MIPEP: variants seen among roughly 807,000 people sequenced by gnomAD.
MIPEP encodes mitochondrial intermediate peptidase.
MIPEP carries 79 observed loss-of-function variants against 90.3 expected under a neutral mutation model. The observed-to-expected ratio is 0.87, with a 90% CI of 0.73 to 1.05. The LOEUF (loss-of-function observed/expected upper bound fraction) is 1.05. Ranked by LOEUF, MIPEP falls within the 50% of genes least tolerant of loss-of-function variation. The pLI, the probability that MIPEP is intolerant of heterozygous loss-of-function variation, is 0.00. For synonymous variants in MIPEP, 334 were observed against 315.8 expected, an observed-to-expected ratio of 1.06 and a Z score of -0.61; for missense variants, 940 against 905.6, an observed-to-expected ratio of 1.04 and a Z score of -0.49.
Position 23,760,221 on chromosome 13 carries a change from C to T in MIPEP, c.1849-4G>A. On this transcript the variant is annotated splice_region_variant and splice_polypyrimidine_tract_variant and intron_variant, in intron 16 of 18. Coordinates refer to ENST00000382172, the MANE Select transcript of MIPEP (RefSeq NM_005932.4). ...GGCTGAATCGCAGCTGCCAGGCCTG[C>T]CAAGAACAGAGAGACACAGCACGGG... 11 of 1,613,894 alleles carry T rather than the reference C, an allele frequency of 6.8e-6. No individual in the cohort carries two copies. The highest frequency in any genetic ancestry group is 9.3e-6 in the Non-Finnish European group (11 of 1,179,952).
At chr13:23,809,816 TC>T in intron 15 of MIPEP, 33 bp downstream of exon 15, 1 of 1,364,476 alleles carries the variant, frequency 7.3e-7, no homozygotes, top group Non-Finnish European at 1.0e-6. Flanking sequence ...GGATAATGAC[TC>T]CGGAAAACTT....
intron 18 of MIPEP, among the ~76,000 whole-genome samples, chr13:23,754,143 A>T (rs1346878354): frequency 6.6e-6 from 1 of 152,208 alleles, no homozygotes; most frequent in Admixed American, 6.5e-5. Flanking sequence ...TTTACATTAC[A>T]AATCTCAGTA....
intron 16 of MIPEP, among the ~76,000 whole-genome samples, chr13:23,762,729 A>G (rs549236770): frequency 6.6e-6 from 1 of 152,246 alleles, no homozygotes; most frequent in Admixed American, 6.5e-5. Flanking sequence ...TTGCACGGCT[A>G]TTGTTTTGGG....
rs139822177 is a variant in MIPEP, at chr13:23,857,288, T to C, written c.1106+1572A>G. ...TACCATAACCAAATTATTATAGACT[T>C]TGAATAACAGTTTATGTGTTTTCAC... On this transcript the variant is annotated intron_variant, in intron 10 of 18. Transcript: ENST00000382172. 5.1e-3 allele frequency among the ~76,000 whole-genome samples: 779 copies of C among 152,320 alleles called. 2 individuals are homozygous for C. The highest frequency in any genetic ancestry group is 8.4e-3 in the Admixed American group (128 of 15,294).
chr13:23,802,427 G>A (rs1953054246), intron 16 of MIPEP, among the ~76,000 whole-genome samples: 1 of 151,998 alleles, frequency 6.6e-6, no homozygotes, highest in South Asian at 2.1e-4. Flanking sequence ...AATTAGGCAG[G>A]TATGGTGGCA....
rs774496047 is a variant in MIPEP at position 23,839,691 on chromosome 13, G to A, written c.1296C>T (p.Tyr432=). The change falls in exon 12 of 19, where the codon TAC becomes TAT. Residue 432 remains tyrosine, a synonymous_variant. Transcript: ENST00000382172. ...CTCGCTGAAAAAAATCACAGTAAAT[G>A]TACCCCAACAATCCTTCAGATTCAT... ...VVHESEGLLG[Y]IYCDFFQRAD... is the part of the protein sequence containing the mutation. 6.2e-6 allele frequency: 10 copies of A among 1,612,492 alleles called. No homozygotes were observed. Among genetic ancestry groups the A allele is most frequent in the Non-Finnish European group, 8.5e-7 (1 of 1,179,528 alleles).
intron 2 of MIPEP, among the ~76,000 whole-genome samples, chr13:23,885,592 A>AT (rs1871441740): frequency 6.6e-6 from 1 of 151,978 alleles, no homozygotes. Flanking sequence ...AAAATTAAAA[A>AT]TAAAAAAAAA....
intron 16 of MIPEP, among the ~76,000 whole-genome samples, chr13:23,793,274 T>C (rs896984378): frequency 1.3e-5 from 2 of 152,134 alleles, no homozygotes; most frequent in Non-Finnish European, 2.9e-5. Flanking sequence ...TACTAAAACA[T>C]GCAACAAGAC....
intron 14 of MIPEP, among the ~76,000 whole-genome samples, chr13:23,831,383 CG>C (rs1555237542): frequency 2.4e-5 from 1 of 40,856 alleles, no homozygotes; most frequent in African/African-American, 8.4e-5. Flanking sequence ...TTCCCCATGG[CG>C]GGGGGGGGAT....
intron 18 of MIPEP, 37 bp from the exon 19 acceptor site, chr13:23,730,482 G>A: frequency 1.5e-6 from 2 of 1,364,700 alleles, no homozygotes; most frequent in Non-Finnish European, 2.1e-6. Flanking sequence ...GCGTTCACCA[G>A]GAGGCAACAG....
chr13:23,764,697 A>C (rs1433888351), intron 16 of MIPEP, among the ~76,000 whole-genome samples: 1 of 152,134 alleles, frequency 6.6e-6, no homozygotes, highest in Non-Finnish European at 1.5e-5. Flanking sequence ...AGCTGGGACC[A>C]CAAGTGTGCA....
intron 5 of MIPEP, among the ~76,000 whole-genome samples, chr13:23,872,197 C>T (rs572652848): frequency 6.6e-6 from 1 of 152,356 alleles, no homozygotes; most frequent in Admixed American, 6.5e-5. Flanking sequence ...TGCAGTGGCT[C>T]ACGCCTATAA....
intron 10 of MIPEP, among the ~76,000 whole-genome samples, chr13:23,854,516 C>A (rs756858794): frequency 6.6e-6 from 1 of 152,042 alleles, no homozygotes; most frequent in Non-Finnish European, 1.5e-5. Context: ...TATGTGAATG[C>A]GCTTGAGATT....
chr13:23,756,700 A>T (rs1952494387), intron 17 of MIPEP, 82 bp from the exon 18 acceptor site: 6 of 1,332,044 alleles, frequency 4.5e-6, no homozygotes, highest in Non-Finnish European at 6.3e-6. Context: ...AGAAAGCCAC[A>T]CTGATGCCAT....
intron 9 of MIPEP, among the ~76,000 whole-genome samples, chr13:23,860,369 A>G (rs758903566): frequency 3.9e-5 from 6 of 152,266 alleles, no homozygotes; most frequent in Non-Finnish European, 8.8e-5. Context: ...GCACGTAAAT[A>G]TTAATTCAAA....
chr13:23,814,230 G>A (rs1221804609), intron 14 of MIPEP, among the ~76,000 whole-genome samples: 3 of 152,116 alleles, frequency 2.0e-5, no homozygotes, highest in Admixed American at 2.0e-4. Context: ...ATTCTTCTGA[G>A]GATATGGACA....
At chr13:23,803,406 G>A (rs1447106098) in intron 16 of MIPEP, among the ~76,000 whole-genome samples, 3 of 151,806 alleles carry the variant, frequency 2.0e-5, no homozygotes, top group African/African-American at 7.3e-5. Context: ...CTATCAAAAA[G>A]AAAAAATTCT....
intron 17 of MIPEP, among the ~76,000 whole-genome samples, chr13:23,757,010 T>A (rs940389331): frequency 6.6e-6 from 1 of 152,200 alleles, no homozygotes; most frequent in Non-Finnish European, 1.5e-5. Context: ...TTCAGGATGA[T>A]TCAAGAACAT....
chr13:23,848,800 G>A (rs552770348), intron 10 of MIPEP, among the ~76,000 whole-genome samples: 1 of 152,158 alleles, frequency 6.6e-6, no homozygotes, highest in Non-Finnish European at 1.5e-5. Context: ...GCCATCCAGA[G>A]CGAGACTACA....
Sources: gnomAD v4.1 joint callset for allele counts (sites outside exome capture counted in the v4.1 genomes callset) on GRCh38, gnomAD v4.1.1 for gene constraint, MANE v1.5 for transcripts, NCBI Gene and HGNC (gene_info 2026-07-23, HGNC 2026-07-21) for gene names.